Variants in PCDHGA8 observed in about 807,000 individuals in gnomAD.
PCDHGA8 encodes protocadherin gamma-A8.
A neutral mutation model predicts 59.2 loss-of-function variants in PCDHGA8; 45 were observed. The ratio of observed to expected loss-of-function variants is 0.76; its 90% CI spans 0.60 to 0.98. The LOEUF (loss-of-function observed/expected upper bound fraction) is 0.98. PCDHGA8 is among the 50% of genes least tolerant of loss of function. PCDHGA8 has a pLI of 0.00. For missense variants in PCDHGA8, 1,257 were observed against 1,196.2 expected, an observed-to-expected ratio of 1.05 and a Z score of -0.75; for synonymous variants, 531 against 519.0, an observed-to-expected ratio of 1.02 and a Z score of -0.32.
chr5:141,422,569 G>C, intron 1 of PCDHGA8: 2 of 1,613,984 alleles, frequency 1.2e-6, no homozygotes, highest in Non-Finnish European at 1.7e-6. Flanking sequence ...AGATGACAAC[G>C]ATAACCCTCC....
chr5:141,478,358 C>G, intron 1 of PCDHGA8: 1 of 1,613,738 alleles, frequency 6.2e-7, no homozygotes, highest in South Asian at 1.1e-5. Flanking sequence ...GGACGCCGTG[C>G]GGGGAGGCCT....
chr5:141,421,945 AT>A (rs1473318347), intron 1 of PCDHGA8: 1 of 1,613,342 alleles, frequency 6.2e-7, no homozygotes, highest in Non-Finnish European at 8.5e-7. Flanking sequence ...AAATGATCAC[AT>A]CCCAATGTTT....
intron 1 of PCDHGA8, chr5:141,399,601 C>T: frequency 6.2e-7 from 1 of 1,613,986 alleles, no homozygotes; most frequent in South Asian, 1.1e-5. Context: ...GGCCAGCGAC[C>T]TAGAGCCTCT....
intron 1 of PCDHGA8, chr5:141,408,147 A>G (rs1357143790): frequency 6.7e-7 from 1 of 1,503,488 alleles, no homozygotes; most frequent in Non-Finnish European, 8.9e-7. Context: ...TTAGCGCGGT[A>G]GAGTGCACTT....
chr5:141,419,926 G>A lies in PCDHGA8; in HGVS notation c.2424+24689G>A. 3 of 1,614,096 alleles carry A rather than the reference G, an allele frequency of 1.9e-6. No homozygotes were observed. In the South Asian group the frequency reaches 3.3e-5, roughly 18 times the overall value. On this transcript the variant is annotated intron_variant, in intron 1 of 3. Transcript: ENST00000398604. ...CCTCTGACTCCCAGGCTGAGATGCA[G>A]TTTTACCTGGTGGTGGCCTTGGCCT... is the stretch of plus-strand genomic sequence containing the variant.
At position 141,455,301 on chromosome 5, in the gene PCDHGA8, T is replaced by G. The variant is rs192443408; in HGVS notation, c.2425-39506T>G. Among the ~76,000 whole-genome samples, 191 of 152,308 alleles carry G rather than the reference T, an allele frequency of 1.3e-3. 1 individual carries two copies. Among genetic ancestry groups the G allele is most frequent in the African/African-American group, 4.4e-3 (181 of 41,566 alleles). On this transcript the variant is annotated intron_variant, in intron 1 of 3. Transcript: ENST00000398604. ...AACATCACTTTACATAGTTTCATCT[T>G]GCATTAGCAATTTTGTGTGTGTGTT...
chr5:141,441,195 A>C (rs1160365905), intron 1 of PCDHGA8: 1 of 152,224 alleles, frequency 6.6e-6, no homozygotes, highest in Non-Finnish European at 1.5e-5. Context: ...TGATTCCCAA[A>C]GATTCTGCAC....
intron 1 of PCDHGA8, among the ~76,000 whole-genome samples, chr5:141,481,039 C>T (rs748434260): frequency 4.6e-5 from 7 of 152,048 alleles, no homozygotes; most frequent in Non-Finnish European, 8.8e-5. Flanking sequence ...GCCTGGGCGA[C>T]AGAGCGAGAC....
intron 1 of PCDHGA8, chr5:141,412,049 T>C (rs2095532088): frequency 1.3e-5 from 2 of 152,256 alleles, no homozygotes; most frequent in Admixed American, 1.3e-4. Flanking sequence ...AGTGAACTTC[T>C]ATACCCTTTG....
intron 1 of PCDHGA8, chr5:141,404,548 G>C (rs761765539): frequency 1.2e-5 from 20 of 1,613,740 alleles, no homozygotes. Context: ...AAATGCAGGT[G>C]ACGGCAAGTG....
At chr5:141,458,413 G>A (rs138479316) in intron 1 of PCDHGA8, among the ~76,000 whole-genome samples, 1 of 152,196 alleles carries the variant, frequency 6.6e-6, no homozygotes, top group East Asian at 1.9e-4. Context: ...CGGAGCGGGG[G>A]TTCCAAAGCT....
intron 1 of PCDHGA8, chr5:141,433,149 C>A (rs758972664): frequency 1.2e-6 from 2 of 1,613,856 alleles, no homozygotes; most frequent in Non-Finnish European, 1.7e-6. Context: ...TCAGGTGATT[C>A]GGTATTTTCT....
Position 141,432,694 on chromosome 5 carries a change from C to A in PCDHGA8, c.2424+37457C>A. 1 of 1,613,936 alleles carries A rather than the reference C, an allele frequency of 6.2e-7. No homozygotes were observed. The highest frequency in any genetic ancestry group is 8.5e-7 in the Non-Finnish European group (1 of 1,179,964). On this transcript the variant is annotated intron_variant, in intron 1 of 3. Transcript: ENST00000398604. This position sits in a 1 kb window ranked among gnomAD's most constrained non-coding sequence, Gnocchi z 6.0. Reference sequence around the variant, plus strand: ...CGCTCAAGCAGAGCCTCGTAGTGGCCGTCCAGGACCACGGCCAGCCCCCTC... The same window carrying A: ...CGCTCAAGCAGAGCCTCGTAGTGGCAGTCCAGGACCACGGCCAGCCCCCTC...
chr5:141,419,402 T>G (rs2096376244), intron 1 of PCDHGA8: 1 of 1,613,378 alleles, frequency 6.2e-7, no homozygotes, highest in African/African-American at 1.3e-5. Flanking sequence ...CGGGGTGGTG[T>G]TCGCGCAGCG....
In PCDHGA8 at chr5:141,392,976, G is replaced by T. The variant is rs892304367; in HGVS notation, c.163G>T (p.Asp55Tyr). The change falls in exon 1 of 4, where the codon GAC becomes TAC. Residue 55 changes from aspartate to tyrosine, a missense_variant. Transcript: ENST00000398604. Reference sequence around the variant, plus strand: ...TAATATCTCCAAGGACCTGGGGCTGGACCCCCGGAAGCTGGCGAAGCACGG... The same window carrying T: ...TAATATCTCCAAGGACCTGGGGCTGTACCCCCGGAAGCTGGCGAAGCACGG... The part of the protein sequence containing the change: ...VGNISKDLGL[D>Y]PRKLAKHGVR... 6.2e-7 allele frequency: 1 copy of T among 1,613,866 alleles called. No individual in the cohort carries two copies. Among genetic ancestry groups the T allele is most frequent in the South Asian group, 1.1e-5 (1 of 91,070 alleles).
intron 1 of PCDHGA8, chr5:141,422,778 C>T (rs1041081332): frequency 1.9e-6 from 3 of 1,613,932 alleles, no homozygotes; most frequent in Admixed American, 1.7e-5. Flanking sequence ...TTCTCTATGC[C>T]CTACAATCCT....
At position 141,432,707 on chromosome 5, in the gene PCDHGA8, G is replaced by A. The variant is rs750859951; in HGVS notation, c.2424+37470G>A. ...CCTCGTAGTGGCCGTCCAGGACCAC[G>A]GCCAGCCCCCTCTCTCCGCCACTGT... On this transcript the variant is annotated intron_variant, in intron 1 of 3. Coordinates refer to ENST00000398604, the MANE Select transcript of PCDHGA8 (RefSeq NM_032088.2). The surrounding 1 kb of genome is among the most constrained non-coding windows in gnomAD (Gnocchi z 6.0). 5 of 1,613,988 alleles carry A rather than the reference G, an allele frequency of 3.1e-6. No individual in the cohort carries two copies. Among genetic ancestry groups the A allele is most frequent in the Non-Finnish European group, 4.2e-6 (5 of 1,179,970 alleles).
intron 1 of PCDHGA8, among the ~76,000 whole-genome samples, chr5:141,446,747 G>T (rs997132200): frequency 3.9e-5 from 6 of 152,190 alleles, no homozygotes; most frequent in Non-Finnish European, 8.8e-5. Context: ...GATTACAGGC[G>T]TGAGCCACCG....
Position 141,413,187 on chromosome 5 carries a change from A to G in PCDHGA8, c.2424+17950A>G, listed in dbSNP as rs778441437. The G allele has an allele frequency of 6.2e-6, 10 of 1,606,328 alleles. No individual in the cohort carries two copies. The African/African-American group carries it at 1.3e-4, about 22-fold the overall frequency. On this transcript the variant is annotated intron_variant, in intron 1 of 3. Transcript: ENST00000398604. Reference sequence around the variant, plus strand: ...GTAACCAGACTACAATGGCCGCTCAAAGGAATCGCTCAAAGGAATCAAAGG... The same window carrying G: ...GTAACCAGACTACAATGGCCGCTCAGAGGAATCGCTCAAAGGAATCAAAGG...
Sources: gnomAD v4.1 joint callset for allele counts (sites outside exome capture counted in the v4.1 genomes callset) on GRCh38, gnomAD v4.1.1 for gene constraint, Gnocchi (gnomAD v3.1) non-coding constraint, MANE v1.5 for transcripts, NCBI Gene and HGNC (gene_info 2026-07-23, HGNC 2026-07-21) for gene names.